CBX5: variants seen among roughly 807,000 people sequenced by gnomAD.
The protein encoded by CBX5 is chromobox protein homolog 5.
A neutral mutation model predicts 20.7 loss-of-function variants in CBX5; 7 were observed. The observed-to-expected ratio is 0.34, with a 90% confidence interval of 0.19 to 0.63. CBX5 has a LOEUF of 0.63. CBX5 is among the 30% of genes least tolerant of loss of function. The pLI is 0.75. For synonymous variants in CBX5, 78 were observed against 77.0 expected (o/e 1.01, Z -0.07); for missense variants, 110 against 224.1 (o/e 0.49, Z 3.25).
At chr12:54,265,748 A>T (rs1214104526) in intron 1 of CBX5, among the ~76,000 whole-genome samples, 1 of 152,156 alleles carries the variant, frequency 6.6e-6, no homozygotes, top group African/African-American at 2.4e-5. Context: ...ATCCTTTAAA[A>T]ATCAGGCCAA....
chr12:54,252,408 A>G (rs1943815560), intron 2 of CBX5, 181 bp from the exon 3 acceptor site: 1 of 473,992 alleles, frequency 2.1e-6, no homozygotes, highest in Non-Finnish European at 3.6e-6. Context: ...AAAAAAAAAA[A>G]GCCCACACAA....
At chr12:54,275,978 G>A (rs1308513445) in intron 1 of CBX5, among the ~76,000 whole-genome samples, 5 of 126,108 alleles carry the variant, frequency 4.0e-5, no homozygotes, top group South Asian at 2.9e-4. Flanking sequence ...CAACAAGAGC[G>A]AGACTCCATT....
At chr12:54,272,808 TC>T (rs1203832643) in intron 1 of CBX5, 1 of 152,220 alleles carries the variant, frequency 6.6e-6, no homozygotes, top group Non-Finnish European at 1.5e-5. Flanking sequence ...AGGAATCACT[TC>T]ATAAAGTCTT....
chr12:54,254,698 C>T (rs1208454221), intron 2 of CBX5, among the ~76,000 whole-genome samples: 1 of 151,824 alleles, frequency 6.6e-6, no homozygotes, highest in Non-Finnish European at 1.5e-5. Flanking sequence ...AATAAAAATA[C>T]AAAATTTAGA....
At chr12:54,262,819 T>G (rs1943924385) in intron 1 of CBX5, 1 of 152,242 alleles carries the variant, frequency 6.6e-6, no homozygotes, top group Non-Finnish European at 1.5e-5. Context: ...GCATGAGAAA[T>G]GAGACATGGC....
intron 2 of CBX5, 61 bp from the exon 3 acceptor site, chr12:54,252,288 A>G (rs1389856293): frequency 3.3e-6 from 4 of 1,196,734 alleles, no homozygotes; most frequent in Non-Finnish European, 4.7e-6. Context: ...GAGGAAAAAA[A>G]TCCAATGCCT....
intron 1 of CBX5, among the ~76,000 whole-genome samples, chr12:54,275,952 C>T (rs942316591): frequency 1.7e-4 from 25 of 149,594 alleles, no homozygotes; most frequent in Admixed American, 8.7e-4. Flanking sequence ...ATCGTGCCAC[C>T]GCACTCCAGA....
Position 54,276,291 on chromosome 12 carries a change from C to T in CBX5, c.-43+3717G>A, listed in dbSNP as rs141417259. Among the ~76,000 whole-genome samples the T allele has an allele frequency of 7.9e-5, 12 of 152,284 alleles. No individual in the cohort carries two copies. The South Asian group carries it at 1.5e-3, about 18-fold the overall frequency. On this transcript the variant is annotated intron_variant, in intron 1 of 4. Coordinates refer to ENST00000209875, the MANE Select transcript of CBX5 (RefSeq NM_012117.3). ...AAAAATTGAAAATTCATTTCCTACA[C>T]CTAATCTACTGAACATCATAGCTTA... is the stretch of plus-strand genomic sequence containing the variant.
chr12:54,249,597 T>G (rs940103261), intron 3 of CBX5, among the ~76,000 whole-genome samples: 11 of 151,910 alleles, frequency 7.2e-5, no homozygotes, highest in Non-Finnish European at 8.8e-5. Context: ...TTTTATGAAA[T>G]GTAAAGTGTA....
chr12:54,246,671 C>T (rs1415249729), intron 3 of CBX5, among the ~76,000 whole-genome samples: 2 of 151,588 alleles, frequency 1.3e-5, no homozygotes, highest in Middle Eastern at 3.4e-3. Context: ...ACCCCAGCTA[C>T]TCGGGAGGCT....
intron 1 of CBX5, among the ~76,000 whole-genome samples, chr12:54,275,555 T>C (rs1592165874): frequency 6.6e-6 from 1 of 152,176 alleles, no homozygotes; most frequent in East Asian, 1.9e-4. Flanking sequence ...TGTCTCTAAG[T>C]TCTAAGCACA....
chr12:54,259,580 C>G (rs910354344), intron 1 of CBX5: 1 of 152,762 alleles, frequency 6.5e-6, no homozygotes, highest in Non-Finnish European at 1.5e-5. Context: ...TGGGTCTTGG[C>G]GGGCTGGCAG....
intron 2 of CBX5, among the ~76,000 whole-genome samples, chr12:54,254,484 G>A (rs1483015744): frequency 1.3e-5 from 2 of 151,758 alleles, no homozygotes; most frequent in Admixed American, 6.6e-5. Context: ...ACATAATATT[G>A]AGACAAAATT....
In CBX5 at chr12:54,240,190, C is replaced by T. The variant is rs993717815; in HGVS notation, c.*1565G>A. The T allele has an allele frequency of 3.3e-5, 5 of 152,102 alleles. No homozygotes were observed. The highest frequency in any genetic ancestry group is 6.6e-5 in the Admixed American group (1 of 15,264). 9.4% of individuals were successfully genotyped at this position (152,102 alleles called of 1,614,324 possible). A position where few individuals can be genotyped will look rare whatever the true frequency, so the allele number is the denominator to read the frequency against. On this transcript the variant is annotated 3_prime_UTR_variant, in exon 5 of 5. Coordinates refer to ENST00000209875, the MANE Select transcript of CBX5 (RefSeq NM_012117.3). ...ATTGTGATTCTCTAGCCCTCCTCAA[C>T]TACAAAAAGAAAAGGATAAAGTAGG...
chr12:54,237,322 A>C lies in CBX5; in HGVS notation c.*4433T>G, dbSNP rs1383509534. 2 of 152,116 alleles carry C rather than the reference A, an allele frequency of 1.3e-5. No homozygotes were observed. Among genetic ancestry groups the C allele is most frequent in the Non-Finnish European group, 2.9e-5 (2 of 68,036 alleles). The allele number at this position is 152,116 out of a possible 1,614,324, so 9.4% of individuals were successfully genotyped here. On this transcript the variant is annotated 3_prime_UTR_variant, in exon 5 of 5. Coordinates refer to ENST00000209875, the MANE Select transcript of CBX5 (RefSeq NM_012117.3). Reference sequence around the variant, plus strand: ...GGAAAAACAAACAAACAAACAAAAAACCCCAGCAAATAAAGGATTTTCCAT... The same window carrying C: ...GGAAAAACAAACAAACAAACAAAAACCCCCAGCAAATAAAGGATTTTCCAT...
intron 3 of CBX5, among the ~76,000 whole-genome samples, chr12:54,251,662 G>T (rs1205774417): frequency 6.6e-6 from 1 of 152,140 alleles, no homozygotes; most frequent in African/African-American, 2.4e-5. Flanking sequence ...TCCAGCCTGG[G>T]CAACAGAGCA....
intron 3 of CBX5, among the ~76,000 whole-genome samples, chr12:54,248,139 G>A (rs1176152415): frequency 6.6e-6 from 1 of 151,918 alleles, no homozygotes; most frequent in East Asian, 1.9e-4. Context: ...CATCACACCC[G>A]GCTACGCCTG....
chr12:54,268,087 T>C (rs1444568671), intron 1 of CBX5, among the ~76,000 whole-genome samples: 1 of 152,064 alleles, frequency 6.6e-6, no homozygotes, highest in Non-Finnish European at 1.5e-5. Flanking sequence ...GAGGTTACAG[T>C]GAACCAAGAT....
chr12:54,279,494 C>A lies in CBX5; in HGVS notation c.-43+514G>T, dbSNP rs1009280585. Among the ~76,000 whole-genome samples the A allele has an allele frequency of 1.2e-4, 18 of 152,166 alleles. 2 individuals carry two copies. Among genetic ancestry groups the A allele is most frequent in the Non-Finnish European group, 1.5e-5 (1 of 68,020 alleles). ...ACACGCCATTACAGGCACCGACTCCCCTTCCTCACAACCCCAAATCGAAGA... is the reference window on the plus strand; with the variant it reads ...ACACGCCATTACAGGCACCGACTCCACTTCCTCACAACCCCAAATCGAAGA... On this transcript the variant is annotated intron_variant, in intron 1 of 4. Transcript: ENST00000209875.
Sources: allele counts gnomAD v4.1 joint callset (sites outside exome capture counted in the v4.1 genomes callset), GRCh38; gene constraint gnomAD v4.1.1; transcripts MANE v1.5; gene names NCBI Gene and HGNC (gene_info 2026-07-23, HGNC 2026-07-21).